Variants in SLC28A2 observed in about 807,000 individuals in gnomAD.
SLC28A2 encodes the protein solute carrier family 28 member 2.
SLC28A2 carries 69 observed loss-of-function variants against 72.9 expected under a neutral mutation model. That is an observed-to-expected ratio of 0.95 (90% CI 0.78 to 1.16). SLC28A2 has a LOEUF of 1.16. Among genes scored for constraint, SLC28A2 ranks in the 50% most tolerant of loss-of-function variants. SLC28A2 has a pLI of 0.00. For synonymous variants in SLC28A2, 296 were observed against 294.1 expected (o/e 1.01, Z -0.07); for missense variants, 745 against 791.1 (o/e 0.94, Z 0.70).
At chr15:45,267,390 G>A (rs1180942273) in intron 10 of SLC28A2, 65 bp from the exon 11 acceptor site, 2 of 1,591,450 alleles carry the variant, frequency 1.3e-6, no homozygotes, top group Non-Finnish European at 1.7e-6. Flanking sequence ...CTGGGGCTGG[G>A]GTGGGCACAC....
intron 6 of SLC28A2, 97 bp downstream of exon 6, chr15:45,264,119 T>C (rs943260368): frequency 1.0e-5 from 12 of 1,149,574 alleles, no homozygotes; most frequent in Non-Finnish European, 1.4e-5. Flanking sequence ...TACAAGGGCA[T>C]AGAACTAGTT....
At chr15:45,274,446 G>A (rs1900685457) in intron 17 of SLC28A2, among the ~76,000 whole-genome samples, 1 of 152,162 alleles carries the variant, frequency 6.6e-6, no homozygotes, top group South Asian at 2.1e-4. Context: ...AGGAATTAGA[G>A]ACTGTAGTGA....
In SLC28A2 at chr15:45,262,076, A is replaced by G. The variant is rs752268318; in HGVS notation, c.232A>G (p.Lys78Glu). ...CTGCAAAACACACGCCAGCTTGTTCAAGAAGATCCTGTTGGGCCTGTTGTG... is the reference window on the plus strand; with the variant it reads ...CTGCAAAACACACGCCAGCTTGTTCGAGAAGATCCTGTTGGGCCTGTTGTG... ...SFCKTHASLF[K>E]KILLGLLCLA... is the part of the protein sequence containing the mutation. The change falls in exon 4 of 18, where the codon AAG (lysine) becomes GAG (glutamate). Residue 78 changes from lysine to glutamate, a missense_variant. By Grantham distance (56) the Lys-to-Glu change is moderately conservative (BLOSUM62 1). Transcript: ENST00000347644. The G allele has an allele frequency of 6.2e-7, 1 of 1,613,126 alleles. No individual in the cohort carries two copies. The highest frequency in any genetic ancestry group is 1.7e-5 in the Admixed American group (1 of 60,004).
chr15:45,257,150 T>C (rs892810150), intron 3 of SLC28A2, among the ~76,000 whole-genome samples: 8 of 152,226 alleles, frequency 5.3e-5, no homozygotes, highest in African/African-American at 7.2e-5. Flanking sequence ...ACTGTCTTCA[T>C]TTTTTGTCTT....
intron 3 of SLC28A2, among the ~76,000 whole-genome samples, chr15:45,258,116 G>A (rs1232057641): frequency 4.6e-5 from 7 of 152,054 alleles, no homozygotes; most frequent in African/African-American, 7.2e-5. Context: ...CTAGCTACTC[G>A]GGAGGCTGAG....
chr15:45,269,677 A>G, intron 14 of SLC28A2, 142 bp downstream of exon 14: 1 of 679,188 alleles, frequency 1.5e-6, no homozygotes, highest in South Asian at 1.8e-5. Context: ...AGCCAGCAGA[A>G]CAGCCTACCT....
In SLC28A2 at chr15:45,267,807, G is replaced by A. The variant is rs1481600325; in HGVS notation, c.1199+11G>A. The A allele has an allele frequency of 6.2e-7, 1 of 1,613,636 alleles. No individual in the cohort carries two copies. The highest frequency in any genetic ancestry group is 8.5e-7 in the Non-Finnish European group (1 of 1,179,894). On this transcript the variant is annotated intron_variant, in intron 12 of 17. Transcript: ENST00000347644. Reference sequence around the variant, plus strand: ...AAAGCTGCCCCGTGGGTGAGTCCAAGGAGGCATATACTTTGGGAGATGGTG... The same window carrying A: ...AAAGCTGCCCCGTGGGTGAGTCCAAAGAGGCATATACTTTGGGAGATGGTG...
intron 17 of SLC28A2, among the ~76,000 whole-genome samples, chr15:45,273,991 A>G (rs1450851584): frequency 6.6e-6 from 1 of 152,008 alleles, no homozygotes; most frequent in African/African-American, 2.4e-5. Flanking sequence ...GGGTCTCACT[A>G]TGTTGCTCAG....
At chr15:45,256,332 C>G (rs535251808) in intron 3 of SLC28A2, among the ~76,000 whole-genome samples, 8 of 151,512 alleles carry the variant, frequency 5.3e-5, no homozygotes, top group African/African-American at 1.9e-4. Flanking sequence ...ATGTGCCTGA[C>G]CTTAACTTGC....
At chr15:45,268,421 T>C (rs1900417257) in intron 13 of SLC28A2, 43 bp downstream of exon 13, 1 of 1,511,150 alleles carries the variant, frequency 6.6e-7, no homozygotes, top group East Asian at 2.3e-5. Context: ...GGGATGTGGT[T>C]AGGTAGCCCT....
At chr15:45,256,417 CTTTTCTTTTT>C (rs752288755) in intron 3 of SLC28A2, among the ~76,000 whole-genome samples, 7 of 151,974 alleles carry the variant, frequency 4.6e-5, no homozygotes, top group Non-Finnish European at 1.0e-4. Context: ...GTGTGATTTT[CTTTTCTTTTT>C]TTTTGGAAAC....
In SLC28A2 at chr15:45,274,104, T is replaced by C. The variant is rs575530758; in HGVS notation, c.1860-1292T>C. Among the ~76,000 whole-genome samples the C allele has an allele frequency of 5.9e-5, 9 of 152,224 alleles. No homozygotes were observed. The East Asian group carries it at 1.2e-3, about 20-fold the overall frequency. Reference sequence around the variant, plus strand: ...TCATGCCCAGCCTTAATTCAGTTTTTGATGTGTTAACTTGGAGGTAGTTGC... The same window carrying C: ...TCATGCCCAGCCTTAATTCAGTTTTCGATGTGTTAACTTGGAGGTAGTTGC... On this transcript the variant is annotated intron_variant, in intron 17 of 17. Transcript: ENST00000347644.
chr15:45,262,092 G>T lies in SLC28A2; in HGVS notation c.248G>T (p.Gly83Val). 1.9e-6 allele frequency: 3 copies of T among 1,610,790 alleles called. No individual in the cohort carries two copies. The highest frequency in any genetic ancestry group is 2.5e-6 in the Non-Finnish European group (3 of 1,177,054). ...AGCTTGTTCAAGAAGATCCTGTTGGGCCTGTTGTGTTTGGGTGAGATATTG... is the reference window on the plus strand; with the variant it reads ...AGCTTGTTCAAGAAGATCCTGTTGGTCCTGTTGTGTTTGGGTGAGATATTG... ...HASLFKKILL[G>V]LLCLAYAAYL... The change falls in exon 4 of 18, where the codon GGC (glycine) becomes GTC (valine). Residue 83 changes from glycine to valine, a missense_variant. Gly to Val is a moderately radical substitution (Grantham distance 109). Transcript: ENST00000347644.
chr15:45,270,074 T>C, intron 14 of SLC28A2, 121 bp from the exon 15 acceptor site: 2 of 697,482 alleles, frequency 2.9e-6, no homozygotes, highest in Non-Finnish European at 5.1e-6. Context: ...CATCCTTTCA[T>C]GTTCCTTGGG....
rs1009919376 is a variant in SLC28A2, at chr15:45,265,156, T to G, written c.770T>G (p.Phe257Cys). Residue 257 changes from phenylalanine to cysteine, a missense_variant, in exon 8 of 18, where the codon TTT becomes TGT. Phe to Cys is a radical substitution (Grantham distance 205, BLOSUM62 -2). Coordinates refer to ENST00000347644, the MANE Select transcript of SLC28A2 (RefSeq NM_004212.4). ...GGGGATACACTGGTCAAGGATGTCT[T>G]TGCTTTTCAGGTGATACCTATTTTA... ...VFGDTLVKDV[F>C]AFQALPIIIF... 3 of 1,606,442 alleles carry G rather than the reference T, an allele frequency of 1.9e-6. No individual in the cohort carries two copies. Among genetic ancestry groups the G allele is most frequent in the Non-Finnish European group, 2.6e-6 (3 of 1,173,040 alleles).
rs377272863 is a variant in SLC28A2, at chr15:45,268,234, T to C, written c.1224T>C (p.Ala408=). 6.2e-7 allele frequency: 1 copy of C among 1,607,930 alleles called. No homozygotes were observed. The highest frequency in any genetic ancestry group is 8.5e-7 in the Non-Finnish European group (1 of 1,174,820). The change falls in exon 13 of 18, where the codon GCT becomes GCC. Residue 408 remains alanine (A), a synonymous_variant. Transcript: ENST00000347644. ...PRGKERNVLE[A]ASNGAVDAIG... ...GGAAGGAGAGGAATGTCCTGGAAGC[T>C]GCCAGCAACGGAGCCGTAGATGCCA... is the stretch of plus-strand genomic sequence containing the variant.
At chr15:45,255,368 C>T (rs1203680730) in intron 3 of SLC28A2, 3 of 151,958 alleles carry the variant, frequency 2.0e-5, no homozygotes, top group Non-Finnish European at 2.9e-5. Context: ...CAAACTTTTC[C>T]TGTAAAAGAT....
intron 3 of SLC28A2, among the ~76,000 whole-genome samples, chr15:45,255,790 A>T (rs562864421): frequency 2.0e-5 from 3 of 152,294 alleles, no homozygotes; most frequent in Admixed American, 6.5e-5. Flanking sequence ...GAAAATGATG[A>T]GTTTTTAGTA....
chr15:45,273,536 G>A (rs1900656250), intron 17 of SLC28A2, among the ~76,000 whole-genome samples: 1 of 152,218 alleles, frequency 6.6e-6, no homozygotes, highest in South Asian at 2.1e-4. Context: ...AAAAGGCTGA[G>A]AGATCATAAG....
Sources: gnomAD v4.1 joint callset for allele counts (sites outside exome capture counted in the v4.1 genomes callset) on GRCh38, gnomAD v4.1.1 for gene constraint, MANE v1.5 for transcripts, NCBI Gene and HGNC (gene_info 2026-07-23, HGNC 2026-07-21) for gene names.